Variants in EYS observed in about 807,000 individuals in gnomAD.
The protein encoded by EYS is protein eyes shut homolog.
A neutral mutation model predicts 282.1 loss-of-function variants in EYS; 250 were observed. The observed-to-expected ratio is 0.89, with a 90% confidence interval of 0.80 to 0.98. The LOEUF (loss-of-function observed/expected upper bound fraction) is 0.98, where lower values mean the gene tolerates loss of function less well. Among genes scored for constraint, EYS ranks in the 50% least tolerant of loss-of-function variants. EYS has a pLI of 0.00. For synonymous variants in EYS, 1,355 were observed against 1,282.9 expected (o/e 1.06, Z -1.20); for missense variants, 4,016 against 3,709.0 (o/e 1.08, Z -2.15).
intron 26 of EYS, among the ~76,000 whole-genome samples, chr6:64,491,548 C>T (rs1413386899): frequency 6.6e-6 from 1 of 150,876 alleles, no homozygotes; most frequent in Non-Finnish European, 1.5e-5. Context: ...TATTTATTTA[C>T]ATTTCTTTGT....
chr6:64,643,855 G>A (rs932427175), intron 22 of EYS, among the ~76,000 whole-genome samples: 7 of 152,186 alleles, frequency 4.6e-5, no homozygotes, highest in African/African-American at 1.7e-4. Context: ...CTCCAGCCAT[G>A]TGGAACTATA....
At chr6:64,394,382 T>C (rs1440896289) in intron 28 of EYS, among the ~76,000 whole-genome samples, 2 of 152,166 alleles carry the variant, frequency 1.3e-5, no homozygotes, top group African/African-American at 4.8e-5. Context: ...CTTCAAACTA[T>C]ACTACAAGGC....
At position 64,997,637 on chromosome 6, in the gene EYS, T is replaced by C. The variant is rs1414535819; in HGVS notation, c.2204A>G (p.Asp735Gly). 5 of 1,551,252 alleles carry C rather than the reference T, an allele frequency of 3.2e-6. No homozygotes were observed. The highest frequency in any genetic ancestry group is 3.5e-6 in the Non-Finnish European group (4 of 1,146,576). Residue 735 changes from aspartate to glycine, a missense_variant, in exon 14 of 43, where the codon GAT becomes GGT. By Grantham distance (94) the Asp-to-Gly change is moderately conservative. Coordinates refer to ENST00000503581, the MANE Select transcript of EYS (RefSeq NM_001142800.2). Reference protein sequence around the residue: ...YVGIRCEQDIDDCILNACEHN... With the variant: ...YVGIRCEQDIGDCILNACEHN... ...CTCACAGGCATTCAGGATGCAGTCATCAATGTCCTGTTCACATCTTATCCC... is the reference window on the plus strand; with the variant it reads ...CTCACAGGCATTCAGGATGCAGTCACCAATGTCCTGTTCACATCTTATCCC...
chr6:64,930,132 A>G lies in EYS; in HGVS notation c.2381+15661T>C, dbSNP rs1387713213. On this transcript the variant is annotated intron_variant, in intron 15 of 42. Transcript: ENST00000503581. ...AATGTAGACACACTTTGATCCAGCA[A>G]TTACACTTATAGTAATTTATTCTAC... Among the ~76,000 whole-genome samples, 4 of 152,156 alleles carry G rather than the reference A, an allele frequency of 2.6e-5. No homozygotes were observed. In the East Asian group the frequency reaches 5.8e-4, roughly 22 times the overall value.
rs189485587 is a variant in EYS, at chr6:65,534,525, C to A, written c.-332-38532G>T. 2.6e-5 allele frequency among the ~76,000 whole-genome samples: 4 copies of A among 152,136 alleles called. No individual in the cohort carries two copies. In the East Asian group the frequency reaches 7.7e-4, roughly 29 times the overall value. ...CCTCTGCAGCAACCAGTCCAGAAAG[C>A]CAAAAAACAACCCCATAGCAACTAG... On this transcript the variant is annotated intron_variant, in intron 2 of 42. Transcript: ENST00000503581.
chr6:64,052,516 A>C (rs1770841272), intron 33 of EYS, among the ~76,000 whole-genome samples: 1 of 152,186 alleles, frequency 6.6e-6, no homozygotes, highest in Non-Finnish European at 1.5e-5. Context: ...ATAGAACTAT[A>C]ATTGATCCAT....
chr6:64,733,786 A>G, intron 22 of EYS: 1 of 165,584 alleles, frequency 6.0e-6, no homozygotes, highest in East Asian at 1.7e-4. Flanking sequence ...ACTGCAAACA[A>G]AGCCAGAAAG....
chr6:64,296,240 T>C (rs1214858529), intron 30 of EYS, among the ~76,000 whole-genome samples: 1 of 152,162 alleles, frequency 6.6e-6, no homozygotes, highest in Non-Finnish European at 1.5e-5. Flanking sequence ...CCAGAATTTC[T>C]CCAACTACTT....
At chr6:64,823,696 T>A (rs1283574747) in intron 19 of EYS, among the ~76,000 whole-genome samples, 3 of 151,904 alleles carry the variant, frequency 2.0e-5, no homozygotes, top group African/African-American at 7.2e-5. Flanking sequence ...TAACCTTAAC[T>A]CACTGGTGAG....
rs114958016 is a variant in EYS at position 64,122,914 on chromosome 6, C to T, written c.6425-40912G>A. Among the ~76,000 whole-genome samples the T allele has an allele frequency of 6.9e-3, 1,022 of 148,996 alleles. 10 individuals carry two copies. The highest frequency in any genetic ancestry group is 0.024 in the African/African-American group (945 of 38,738). On this transcript the variant is annotated intron_variant, in intron 31 of 42. Coordinates refer to ENST00000503581, the MANE Select transcript of EYS (RefSeq NM_001142800.2). ...ATAAATAACAGAAATGCTTACAAAG[C>T]ATTTTTTTTTTGAATTTTCAGTGTT...
intron 26 of EYS, among the ~76,000 whole-genome samples, chr6:64,573,753 G>C (rs975066212): frequency 1.3e-5 from 2 of 152,042 alleles, no homozygotes; most frequent in Admixed American, 1.3e-4. Flanking sequence ...TTAGAATGGC[G>C]ATCATTAAAA....
intron 13 of EYS, among the ~76,000 whole-genome samples, chr6:65,008,819 A>G (rs965595071): frequency 6.6e-6 from 1 of 152,108 alleles, no homozygotes; most frequent in Non-Finnish European, 1.5e-5. Flanking sequence ...CCAGGAGGTT[A>G]ACTGTCTCCT....
At chr6:63,931,109 G>A (rs1284515507) in intron 35 of EYS, among the ~76,000 whole-genome samples, 1 of 152,130 alleles carries the variant, frequency 6.6e-6, no homozygotes, top group Non-Finnish European at 1.5e-5. Context: ...CCTGAGATTA[G>A]CTTTTTCTTT....
chr6:64,299,746 AC>A (rs1437610776), intron 30 of EYS, among the ~76,000 whole-genome samples: 1 of 152,208 alleles, frequency 6.6e-6, no homozygotes, highest in Non-Finnish European at 1.5e-5. Flanking sequence ...GTATTCCATA[AC>A]CAATGGTTTT....
At chr6:64,728,387 T>G (rs918095547) in intron 22 of EYS, among the ~76,000 whole-genome samples, 5 of 152,126 alleles carry the variant, frequency 3.3e-5, no homozygotes, top group African/African-American at 1.2e-4. Context: ...CAGGCTGGAG[T>G]GCAGTGGCAC....
intron 35 of EYS, among the ~76,000 whole-genome samples, chr6:63,914,972 A>C (rs1283756058): frequency 6.6e-6 from 1 of 152,224 alleles, no homozygotes; most frequent in Non-Finnish European, 1.5e-5. Context: ...AAGGTGAAGC[A>C]GCAAGTGCTA....
chr6:65,306,926 T>TA (rs1769028460), intron 11 of EYS, among the ~76,000 whole-genome samples: 1 of 146,136 alleles, frequency 6.8e-6, no homozygotes, highest in Admixed American at 6.8e-5. Flanking sequence ...GGAGTTAAGT[T>TA]ACTTACCATT....
chr6:64,581,266 G>C (rs1001675270), intron 26 of EYS, among the ~76,000 whole-genome samples: 3 of 152,082 alleles, frequency 2.0e-5, no homozygotes, highest in African/African-American at 7.2e-5. Flanking sequence ...CATGTGAAGA[G>C]GAGTCTGTGC....
chr6:64,446,658 A>G (rs779899809), intron 26 of EYS, among the ~76,000 whole-genome samples: 2 of 152,040 alleles, frequency 1.3e-5, no homozygotes, highest in Non-Finnish European at 2.9e-5. Flanking sequence ...TACAAGATTA[A>G]ATGTGAAAGT....
Sources: gnomAD v4.1 joint callset for allele counts (sites outside exome capture counted in the v4.1 genomes callset) on GRCh38, gnomAD v4.1.1 for gene constraint, MANE v1.5 for transcripts, NCBI Gene and HGNC (gene_info 2026-07-23, HGNC 2026-07-21) for gene names.